The following DCP1A variants were observed in gnomAD, a reference collection of about 807,000 sequenced individuals.
DCP1A encodes the protein mRNA-decapping enzyme 1A.
In DCP1A, 20 loss-of-function variants were observed where a neutral mutation model predicts 58.0. The observed-to-expected ratio is 0.34, with a 90% CI of 0.24 to 0.50. The LOEUF (loss-of-function observed/expected upper bound fraction) is 0.50. Ranked by LOEUF, DCP1A falls within the 20% of genes least tolerant of loss-of-function variation. The pLI, the probability that DCP1A is intolerant of heterozygous loss-of-function variation, is 0.98. For missense variants in DCP1A, 613 were observed against 712.2 expected (o/e 0.86, Z 1.59); for synonymous variants, 285 against 275.1 (o/e 1.04, Z -0.36).
intron 8 of DCP1A, among the ~76,000 whole-genome samples, chr3:53,288,726 A>G (rs1392924389): frequency 6.6e-6 from 1 of 152,168 alleles, no homozygotes; most frequent in Non-Finnish European, 1.5e-5. Context: ...TACATGTGTC[A>G]AAAACTCATT....
intron 8 of DCP1A, among the ~76,000 whole-genome samples, chr3:53,290,125 A>C (rs1430294219): frequency 6.6e-6 from 1 of 152,160 alleles, no homozygotes; most frequent in Non-Finnish European, 1.5e-5. Flanking sequence ...AGGAAAACAG[A>C]AATGACTTTA....
Position 53,292,559 on chromosome 3 carries a change from G to C in DCP1A, c.893C>G (p.Ser298Cys), listed in dbSNP as rs1553686254. The change falls in exon 7 of 10, where the codon TCC becomes TGC. Residue 298 changes from serine to cysteine, a missense_variant. Physicochemically the swap from Ser to Cys is moderately radical, Grantham distance 112. This residue lies in a region of DCP1A where 498 missense variants were observed against 556.7 expected (regional missense o/e 0.89). Coordinates refer to ENST00000610213, the MANE Select transcript of DCP1A (RefSeq NM_018403.7). ...ITTPVLITPASITQSNEKHAP... is the reference protein window; with the variant it reads ...ITTPVLITPACITQSNEKHAP... The stretch of plus-strand genomic sequence containing the variant: ...ATGCTTTTCATTGGACTGTGTGATG[G>C]AGGCTGGAGTGATTAGCACCGGGGT... 2 of 1,613,994 alleles carry C rather than the reference G, an allele frequency of 1.2e-6. No homozygotes were observed. The highest frequency in any genetic ancestry group is 2.2e-5 in the South Asian group (2 of 91,088).
intron 4 of DCP1A, among the ~76,000 whole-genome samples, chr3:53,316,549 A>G (rs1317313748): frequency 6.6e-6 from 1 of 150,536 alleles, no homozygotes; most frequent in Non-Finnish European, 1.5e-5. Flanking sequence ...AATGACAGGT[A>G]CACACCACTG....
chr3:53,326,430 C>T (rs1553690574), intron 3 of DCP1A, among the ~76,000 whole-genome samples: 17 of 152,212 alleles, frequency 1.1e-4, no homozygotes, highest in Non-Finnish European at 2.4e-4. Flanking sequence ...TAAAATACAG[C>T]TTCCAAAGTG....
intron 1 of DCP1A, among the ~76,000 whole-genome samples, chr3:53,346,341 T>C (rs2106907007): frequency 6.6e-6 from 1 of 152,342 alleles, no homozygotes; most frequent in Admixed American, 6.5e-5. Context: ...CCAAATGATT[T>C]TCGATAAATT....
At chr3:53,338,023 A>G (rs1476577554) in intron 3 of DCP1A, 2 of 320,272 alleles carry the variant, frequency 6.2e-6, no homozygotes, top group Non-Finnish European at 1.3e-5. Context: ...GTTACAGTAG[A>G]GTGGAAAGAA....
chr3:53,318,455 G>C (rs1288702083), intron 4 of DCP1A, among the ~76,000 whole-genome samples: 4 of 152,154 alleles, frequency 2.6e-5, no homozygotes, highest in African/African-American at 9.7e-5. Context: ...GGAGGGGGGA[G>C]AGAGGTCCAC....
At chr3:53,347,253 G>A (rs1204342504) in intron 1 of DCP1A, 130 bp downstream of exon 1, 1 of 1,178,104 alleles carries the variant, frequency 8.5e-7, no homozygotes, top group Non-Finnish European at 1.1e-6. Context: ...CTAGGCTCTT[G>A]GCCAGACCCT....
intron 3 of DCP1A, among the ~76,000 whole-genome samples, chr3:53,330,643 G>T (rs75495673): frequency 0.013 from 1,927 of 151,884 alleles, 38 homozygotes; most frequent in African/African-American, 0.044. Flanking sequence ...AGAACCTAAG[G>T]ACTAAAAATA....
chr3:53,342,111 A>G (rs782221384), intron 3 of DCP1A, 33 bp downstream of exon 3: 26 of 1,538,390 alleles, frequency 1.7e-5, no homozygotes, highest in South Asian at 7.2e-5. Context: ...TCAATTTTAA[A>G]TGTAATAACT....
intron 1 of DCP1A, among the ~76,000 whole-genome samples, chr3:53,345,266 T>C (rs1197283296): frequency 6.6e-6 from 1 of 152,168 alleles, no homozygotes; most frequent in Non-Finnish European, 1.5e-5. Flanking sequence ...TTTAGCCAGA[T>C]TTCTTAACTT....
intron 4 of DCP1A, among the ~76,000 whole-genome samples, chr3:53,314,162 G>T (rs374499197): frequency 1.3e-5 from 2 of 152,032 alleles, no homozygotes; most frequent in African/African-American, 2.4e-5. Flanking sequence ...CCAAAGTGCC[G>T]GGATTATAGA....
intron 3 of DCP1A, among the ~76,000 whole-genome samples, chr3:53,321,064 T>C (rs1380146037): frequency 2.0e-5 from 3 of 152,232 alleles, no homozygotes; most frequent in Non-Finnish European, 4.4e-5. Context: ...TCATTCAGTC[T>C]AGGAGAGGAA....
chr3:53,307,927 G>GT (rs1276968334), intron 5 of DCP1A, among the ~76,000 whole-genome samples: 1 of 152,066 alleles, frequency 6.6e-6, no homozygotes, highest in Non-Finnish European at 1.5e-5. Flanking sequence ...ATAAATATCA[G>GT]TTTTTTCAAA....
At chr3:53,316,435 C>T (rs1434936635) in intron 4 of DCP1A, among the ~76,000 whole-genome samples, 1 of 146,562 alleles carries the variant, frequency 6.8e-6, no homozygotes, top group Non-Finnish European at 1.5e-5. Flanking sequence ...TCTCTAATCA[C>T]TTTTTTTTTT....
chr3:53,316,269 T>C (rs1707809852), intron 4 of DCP1A, among the ~76,000 whole-genome samples: 1 of 152,234 alleles, frequency 6.6e-6, no homozygotes, highest in South Asian at 2.1e-4. Context: ...CAAACAGGTT[T>C]ATGCAGGCAG....
In DCP1A at chr3:53,290,910, G is replaced by A. The variant is rs1419293760; in HGVS notation, c.1384-54C>T. 6.9e-6 allele frequency: 10 copies of A among 1,444,130 alleles called. No individual in the cohort carries two copies. In the East Asian group the frequency reaches 2.1e-4, roughly 30 times the overall value. 89.5% of individuals were successfully genotyped at this position (1,444,130 alleles called of 1,614,324 possible). A position where few individuals can be genotyped will look rare whatever the true frequency, so the allele number is the denominator to read the frequency against. ...GGATATAAGAAGTTTCAATTAAGAA[G>A]ACTTCCTAGTCTTAATTGAAAAAGA... is the stretch of plus-strand genomic sequence containing the variant. On this transcript the variant is annotated intron_variant, in intron 7 of 9. Coordinates refer to ENST00000610213, the MANE Select transcript of DCP1A (RefSeq NM_018403.7).
At chr3:53,344,989 C>A in intron 1 of DCP1A, 47 bp from the exon 2 acceptor site, 2 of 1,397,484 alleles carry the variant, frequency 1.4e-6, no homozygotes, top group South Asian at 2.4e-5. Flanking sequence ...CATAATCAGA[C>A]CCCAAATAGT....
intron 1 of DCP1A, 81 bp downstream of exon 1, chr3:53,347,302 C>T (rs1409829970): frequency 2.1e-6 from 3 of 1,402,310 alleles, no homozygotes; most frequent in African/African-American, 3.0e-5. Context: ...AGTGTGCCCC[C>T]CCACCCCACA....
Sources: allele counts gnomAD v4.1 joint callset (sites outside exome capture counted in the v4.1 genomes callset), GRCh38; gene constraint gnomAD v4.1.1; regional missense constraint gnomAD v4.1.1; transcripts MANE v1.5; gene names NCBI Gene and HGNC (gene_info 2026-07-23, HGNC 2026-07-21).